Variants in CCSER1 observed in about 807,000 individuals in gnomAD.
CCSER1 encodes serine-rich coiled-coil domain-containing protein 1.
In CCSER1, 41 loss-of-function variants were observed where a neutral mutation model predicts 82.0. The ratio of observed to expected loss-of-function variants is 0.50; its 90% CI spans 0.39 to 0.65. CCSER1 has a LOEUF of 0.65. Among genes scored for constraint, CCSER1 ranks in the 30% least tolerant of loss-of-function variants. CCSER1 has a pLI of 0.00. For missense variants in CCSER1, 1,119 were observed against 1,064.2 expected, an observed-to-expected ratio of 1.05 and a Z score of -0.72; for synonymous variants, 414 against 383.9, an observed-to-expected ratio of 1.08 and a Z score of -0.92.
chr4:91,259,461 T>TAC (rs1316461553), intron 10 of CCSER1, among the ~76,000 whole-genome samples: 2 of 152,032 alleles, frequency 1.3e-5, no homozygotes, highest in Admixed American at 6.6e-5. Context: ...TATATATATA[T>TAC]ACACACTTCT....
At chr4:90,518,279 TTAC>T (rs1772553570) in intron 5 of CCSER1, among the ~76,000 whole-genome samples, 1 of 152,130 alleles carries the variant, frequency 6.6e-6, no homozygotes, top group Admixed American at 6.5e-5. Context: ...GCTTTGGTAC[TTAC>T]TTCCAACAGC....
intron 9 of CCSER1, among the ~76,000 whole-genome samples, chr4:90,964,599 C>A (rs1176272075): frequency 6.6e-6 from 1 of 151,594 alleles, no homozygotes. Context: ...GTGGCAGGCG[C>A]CTGTTGTCTC....
chr4:91,589,587 T>TTTATG (rs1764167224), intron 10 of CCSER1, among the ~76,000 whole-genome samples: 7 of 151,292 alleles, frequency 4.6e-5, no homozygotes, highest in Admixed American at 4.6e-4. Context: ...TTTTTTTTTT[T>TTTATG]TATGTTTTGC....
chr4:91,534,928 A>G (rs1267115697), intron 10 of CCSER1, among the ~76,000 whole-genome samples: 1 of 151,824 alleles, frequency 6.6e-6, no homozygotes, highest in Non-Finnish European at 1.5e-5. Flanking sequence ...GTCCATATAG[A>G]TCAATACTAT....
rs376802777 is a variant in CCSER1 at position 90,673,652 on chromosome 4, A to G, written c.1932+45420A>G. 5.9e-4 allele frequency among the ~76,000 whole-genome samples: 90 copies of G among 152,128 alleles called. 3 individuals carry two copies. In the South Asian group the frequency reaches 0.017, roughly 29 times the overall value. Reference sequence around the variant, plus strand: ...ACCTAGAAATCCTCTCCACAAAGGTAGCAGGTAAAGAACACATCTGTATTA... The same window carrying G: ...ACCTAGAAATCCTCTCCACAAAGGTGGCAGGTAAAGAACACATCTGTATTA... On this transcript the variant is annotated intron_variant, in intron 6 of 10. Transcript: ENST00000509176.
intron 5 of CCSER1, among the ~76,000 whole-genome samples, chr4:90,613,562 T>C (rs1720648744): frequency 6.6e-6 from 1 of 152,142 alleles, no homozygotes; most frequent in Non-Finnish European, 1.5e-5. Context: ...GGAACCATAA[T>C]CTAGGGATTT....
At chr4:90,449,483 C>T (rs1761133188) in intron 4 of CCSER1, among the ~76,000 whole-genome samples, 1 of 152,190 alleles carries the variant, frequency 6.6e-6, no homozygotes. Flanking sequence ...CTTCCTCCTG[C>T]TTCCATCAAC....
chr4:90,531,595 A>G (rs1357963829), intron 5 of CCSER1, among the ~76,000 whole-genome samples: 5 of 152,158 alleles, frequency 3.3e-5, no homozygotes, highest in Non-Finnish European at 7.4e-5. Flanking sequence ...TTTAAAGGGT[A>G]ATTACATGCT....
At chr4:90,719,134 G>T (rs542568895) in intron 6 of CCSER1, among the ~76,000 whole-genome samples, 23 of 152,100 alleles carry the variant, frequency 1.5e-4, no homozygotes, top group Non-Finnish European at 2.5e-4. Flanking sequence ...CTTCAGCTGT[G>T]CTTACAGCTG....
At chr4:90,908,079 G>A (rs1725769262) in intron 8 of CCSER1, among the ~76,000 whole-genome samples, 1 of 152,012 alleles carries the variant, frequency 6.6e-6, no homozygotes. Context: ...AAATAAACAT[G>A]GTCCCTGCTC....
At chr4:90,881,808 CA>C (rs1721367392) in intron 8 of CCSER1, among the ~76,000 whole-genome samples, 1 of 151,910 alleles carries the variant, frequency 6.6e-6, no homozygotes, top group Non-Finnish European at 1.5e-5. Context: ...AAAACATACA[CA>C]AAAAACACCT....
intron 9 of CCSER1, among the ~76,000 whole-genome samples, chr4:91,054,071 AG>A (rs1159389796): frequency 3.3e-5 from 5 of 152,160 alleles, no homozygotes; most frequent in Non-Finnish European, 7.3e-5. Flanking sequence ...ACTGGGTTAT[AG>A]GGGGGCTTGT....
At chr4:91,570,983 A>G (rs1763148728) in intron 10 of CCSER1, among the ~76,000 whole-genome samples, 1 of 152,126 alleles carries the variant, frequency 6.6e-6, no homozygotes, top group African/African-American at 2.4e-5. Flanking sequence ...CATCTCTCTC[A>G]AGTTCAAAGT....
intron 5 of CCSER1, among the ~76,000 whole-genome samples, chr4:90,587,535 G>A (rs533061200): frequency 6.6e-6 from 1 of 152,118 alleles, no homozygotes; most frequent in Non-Finnish European, 1.5e-5. Flanking sequence ...GCTTGAACCC[G>A]GGAGGTGGAG....
chr4:91,524,550 A>G (rs1760673660), intron 10 of CCSER1, among the ~76,000 whole-genome samples: 1 of 152,160 alleles, frequency 6.6e-6, no homozygotes, highest in Non-Finnish European at 1.5e-5. Context: ...GGTTATCTCA[A>G]TTTGATATTA....
At chr4:90,209,768 T>C (rs990557146) in intron 1 of CCSER1, among the ~76,000 whole-genome samples, 3 of 151,258 alleles carry the variant, frequency 2.0e-5, no homozygotes, top group African/African-American at 4.9e-5. Flanking sequence ...GTTTGTCTAG[T>C]GTTTTTTTTT....
At chr4:91,103,087 G>C (rs1242858967) in intron 10 of CCSER1, among the ~76,000 whole-genome samples, 2 of 152,042 alleles carry the variant, frequency 1.3e-5, no homozygotes, top group Non-Finnish European at 2.9e-5. Context: ...AACCCACAAC[G>C]GAAAAACACT....
At chr4:91,341,425 C>T in intron 10 of CCSER1, among the ~76,000 whole-genome samples, 1 of 152,048 alleles carries the variant, frequency 6.6e-6, no homozygotes, top group East Asian at 1.9e-4. Context: ...TAACTAACTA[C>T]AATTAACATT....
intron 1 of CCSER1, among the ~76,000 whole-genome samples, chr4:90,302,492 T>C (rs1463157176): frequency 6.6e-6 from 1 of 152,110 alleles, no homozygotes; most frequent in African/African-American, 2.4e-5. Context: ...GTCTTGAAGG[T>C]GAAAGTGATT....
Sources: allele counts gnomAD v4.1 joint callset (sites outside exome capture counted in the v4.1 genomes callset), GRCh38; gene constraint gnomAD v4.1.1; transcripts MANE v1.5; gene names NCBI Gene and HGNC (gene_info 2026-07-23, HGNC 2026-07-21).